RAB37: variants seen among roughly 807,000 people sequenced by gnomAD.
RAB37 encodes the protein ras-related protein Rab-37.
In RAB37, 29 loss-of-function variants were observed where a neutral mutation model predicts 33.1. The ratio of observed to expected loss-of-function variants is 0.88; its 90% confidence interval spans 0.65 to 1.20. The LOEUF is 1.20. Ranked by LOEUF, RAB37 falls within the 50% of genes most tolerant of loss-of-function variation. The pLI is 0.00. For missense variants in RAB37, 299 were observed against 301.1 expected, an observed-to-expected ratio of 0.99 and a Z score of 0.05; for synonymous variants, 128 against 119.5, an observed-to-expected ratio of 1.07 and a Z score of -0.47.
intron 1 of RAB37, among the ~76,000 whole-genome samples, chr17:74,737,955 T>A (rs2034520548): frequency 6.6e-6 from 1 of 152,154 alleles, no homozygotes; most frequent in Non-Finnish European, 1.5e-5. Flanking sequence ...TGGGAATTTT[T>A]CGAACCTGAG....
intron 1 of RAB37, among the ~76,000 whole-genome samples, chr17:74,726,233 TAAAAAAA>T (rs11422240): frequency 4.7e-5 from 5 of 105,674 alleles, no homozygotes; most frequent in African/African-American, 1.7e-4. Flanking sequence ...AGACTCTGCC[TAAAAAAA>T]AAAAAAAAAA....
At position 74,729,414 on chromosome 17, in the gene RAB37, C is replaced by T. The variant is rs1288014922; in HGVS notation, c.183+48C>T. 1 of 1,328,988 alleles carries T rather than the reference C, an allele frequency of 7.5e-7. No individual in the cohort carries two copies. The highest frequency in any genetic ancestry group is 1.1e-6 in the Non-Finnish European group (1 of 919,768). The allele number at this position is 1,328,988 out of a possible 1,614,324, so 82.3% of individuals were successfully genotyped here. On this transcript the variant is annotated intron_variant, in intron 2 of 7. Transcript: ENST00000340415. This position sits in a 1 kb window ranked among gnomAD's most constrained non-coding sequence, Gnocchi z 4.2. ...AGCTCTGGGCCTGGGCTCAGGACCC[C>T]AGCGTGTTTCTGTTGAGTGCCAGCA... is the stretch of plus-strand genomic sequence containing the variant.
Position 74,729,220 on chromosome 17 carries a change from C to A in RAB37, c.73-36C>A. The A allele has an allele frequency of 6.6e-7, 1 of 1,512,212 alleles. No homozygotes were observed. Among genetic ancestry groups the A allele is most frequent in the Non-Finnish European group, 9.2e-7 (1 of 1,086,990 alleles). 93.7% of individuals were successfully genotyped at this position (1,512,212 alleles called of 1,614,324 possible). A position where few individuals can be genotyped will look rare whatever the true frequency, so the allele number is the denominator to read the frequency against. ...ACACCTCTGAGGCCAACTCACATCA[C>A]AGGCCCTCAGCTCTCTCTCTATTGT... On this transcript the variant is annotated intron_variant, in intron 1 of 7. Transcript: ENST00000340415. The surrounding 1 kb of genome is among the most constrained non-coding windows in gnomAD (Gnocchi z 4.2).
chr17:74,713,852 CAGG>C (rs1349412826), intron 1 of RAB37, among the ~76,000 whole-genome samples: 6 of 132,042 alleles, frequency 4.5e-5, no homozygotes, highest in Non-Finnish European at 1.5e-5. Flanking sequence ...CACTTGAGGC[CAGG>C]AGTTCAAGAC....
At chr17:74,739,696 G>GT (rs1486485841) in intron 1 of RAB37, among the ~76,000 whole-genome samples, 3 of 151,520 alleles carry the variant, frequency 2.0e-5, no homozygotes, top group Non-Finnish European at 2.9e-5. Flanking sequence ...CTCCTGGCTA[G>GT]TTTTTTGTAT....
At chr17:74,695,795 G>C (rs2032402298) in intron 1 of RAB37, 1 of 1,614,060 alleles carries the variant, frequency 6.2e-7, no homozygotes, top group African/African-American at 1.3e-5. Flanking sequence ...CTTTTGCGGG[G>C]AGGTTCCGGC....
In RAB37 at chr17:74,698,294, A is replaced by G. The variant is rs75145504; in HGVS notation, c.72+26636A>G. 2,962 of 1,017,506 alleles carry G rather than the reference A, an allele frequency of 2.9e-3. 105 individuals carry two copies. In the East Asian group the frequency reaches 0.066, roughly 23 times the overall value. 63.0% of individuals were successfully genotyped at this position (1,017,506 alleles called of 1,614,324 possible). A position where few individuals can be genotyped will look rare whatever the true frequency, so the allele number is the denominator to read the frequency against. On this transcript the variant is annotated intron_variant, in intron 1 of 7. Transcript: ENST00000340415. ...CCTGATTGTGTGGGTAATCCCTTGG[A>G]CCAGATAGCTCCCAGATGCCACATC...
intron 1 of RAB37, among the ~76,000 whole-genome samples, chr17:74,690,112 C>T (rs948715334): frequency 1.3e-5 from 2 of 152,104 alleles, no homozygotes; most frequent in East Asian, 3.8e-4. Flanking sequence ...CAACCACACC[C>T]AGCTGATTTT....
upstream of RAB37, among the ~76,000 whole-genome samples, chr17:74,736,063 A>C (rs1265284911): frequency 6.6e-6 from 1 of 152,114 alleles, no homozygotes; most frequent in Non-Finnish European, 1.5e-5. Flanking sequence ...AAAAGAAAAA[A>C]TAGCCGGGCC....
intron 1 of RAB37, among the ~76,000 whole-genome samples, chr17:74,680,518 G>A (rs1164049511): frequency 1.3e-5 from 2 of 152,142 alleles, no homozygotes; most frequent in Admixed American, 1.3e-4. Context: ...GGATTCAAAT[G>A]TTTAATGCTA....
chr17:74,744,862 G>A lies in RAB37; in HGVS notation c.433-11G>A. ...CCTCCTTCCCCAGAGTGACCCATTT[G>A]GGCTTGACAGGCGGATATGAGCAGC... is the stretch of plus-strand genomic sequence containing the variant. On this transcript the variant is annotated splice_polypyrimidine_tract_variant and intron_variant, in intron 6 of 8. Coordinates refer to ENST00000392613, the MANE Select transcript of RAB37 (RefSeq NM_001006638.3). This position sits in a 1 kb window ranked among gnomAD's most constrained non-coding sequence, Gnocchi z 4.2. The A allele has an allele frequency of 1.2e-6, 2 of 1,614,244 alleles. No individual in the cohort carries two copies. Among genetic ancestry groups the A allele is most frequent in the Non-Finnish European group, 1.7e-6 (2 of 1,180,030 alleles).
intron 2 of RAB37, among the ~76,000 whole-genome samples, chr17:74,731,109 G>A (rs1193303424): frequency 6.6e-6 from 1 of 152,212 alleles, no homozygotes; most frequent in Non-Finnish European, 1.5e-5. Context: ...CTCAGCCTGG[G>A]GACACCTGAG....
At chr17:74,683,904 G>A (rs1029736623) in intron 1 of RAB37, among the ~76,000 whole-genome samples, 1 of 152,190 alleles carries the variant, frequency 6.6e-6, no homozygotes, top group Non-Finnish European at 1.5e-5. Context: ...GCAGCAGGAA[G>A]TGTGGCCTGG....
intron 1 of RAB37, among the ~76,000 whole-genome samples, chr17:74,716,950 A>G (rs1189156127): frequency 1.3e-5 from 2 of 152,190 alleles, no homozygotes; most frequent in Non-Finnish European, 2.9e-5. Context: ...CCTGACCAAC[A>G]TGGTGAAACC....
chr17:74,690,161 A>G (rs756789504), intron 1 of RAB37, among the ~76,000 whole-genome samples: 1 of 152,100 alleles, frequency 6.6e-6, no homozygotes, highest in South Asian at 2.1e-4. Context: ...AGGCCTCCCT[A>G]TGTTGCTCAG....
At chr17:74,731,303 G>A (rs1162150747) in intron 2 of RAB37, among the ~76,000 whole-genome samples, 1 of 152,204 alleles carries the variant, frequency 6.6e-6, no homozygotes, top group Non-Finnish European at 1.5e-5. Flanking sequence ...TGGGAAGGGA[G>A]GCAGGTGCTG....
At chr17:74,727,049 C>T (rs1197417606) in intron 1 of RAB37, among the ~76,000 whole-genome samples, 1 of 152,214 alleles carries the variant, frequency 6.6e-6, no homozygotes, top group Non-Finnish European at 1.5e-5. Flanking sequence ...AACTTCCAAG[C>T]TAATTATCGC....
Position 74,729,849 on chromosome 17 carries a change from C to T in RAB37, c.183+483C>T, listed in dbSNP as rs760885933. On this transcript the variant is annotated intron_variant, in intron 2 of 7. Coordinates refer to the RAB37 transcript ENST00000340415. The surrounding 1 kb of genome is among the most constrained non-coding windows in gnomAD (Gnocchi z 4.2). ...TAATATGGGATAGCTCAGGTCAGCC[C>T]TCCAAGGCAAGAAGATCTGGAGGGA... Among the ~76,000 whole-genome samples, 1 of 152,204 alleles carries T rather than the reference C, an allele frequency of 6.6e-6. No homozygotes were observed. Among genetic ancestry groups the T allele is most frequent in the Non-Finnish European group, 1.5e-5 (1 of 68,028 alleles).
chr17:74,729,365 C>T lies in RAB37; in HGVS notation c.182C>T (p.Thr61Met), dbSNP rs773776531. Residue 61 changes from threonine (T) to methionine (M), a missense_variant and splice_region_variant, in exon 2 of 8, where the codon ACG becomes ATG. Coordinates refer to the RAB37 transcript ENST00000340415. This position sits in a 1 kb window ranked among gnomAD's most constrained non-coding sequence, Gnocchi z 4.2. ...TCGGCCACTGTGGGCATCGGATTCA[C>T]GGTAAGCACTGGCCGGCACTGCCAG... The T allele has an allele frequency of 1.9e-5, 30 of 1,611,524 alleles. No individual in the cohort carries two copies. Among genetic ancestry groups the T allele is most frequent in the East Asian group, 1.6e-4 (7 of 44,884 alleles).
Sources: gnomAD v4.1 joint callset for allele counts (sites outside exome capture counted in the v4.1 genomes callset) on GRCh38, gnomAD v4.1.1 for gene constraint, Gnocchi (gnomAD v3.1) non-coding constraint, MANE v1.5 for transcripts, NCBI Gene and HGNC (gene_info 2026-07-23, HGNC 2026-07-21) for gene names.